The following AGBL4 variants were observed in gnomAD, a reference collection of about 807,000 sequenced individuals.
AGBL4 encodes the protein cytosolic carboxypeptidase 6.
Under a neutral mutation model 66.4 loss-of-function variants are expected in AGBL4, and 58 were observed. That is an observed-to-expected ratio of 0.87 (90% CI 0.71 to 1.09). The LOEUF is 1.09. AGBL4 is among the 50% of genes least tolerant of loss of function. The pLI is 0.00. For missense variants in AGBL4, 579 were observed against 631.0 expected, an observed-to-expected ratio of 0.92 and a Z score of 0.88; for synonymous variants, 234 against 222.9, an observed-to-expected ratio of 1.05 and a Z score of -0.44.
chr1:48,970,864 T>C (rs913070420), intron 5 of AGBL4, among the ~76,000 whole-genome samples: 1 of 151,982 alleles, frequency 6.6e-6, no homozygotes, highest in Non-Finnish European at 1.5e-5. Context: ...AATACAGAGG[T>C]TGGACACAGT....
chr1:48,549,200 G>A (rs888673955), intron 11 of AGBL4, among the ~76,000 whole-genome samples: 8 of 152,356 alleles, frequency 5.3e-5, no homozygotes, highest in Middle Eastern at 3.4e-3. Context: ...TGGTAAGGCT[G>A]ACAGCACTGC....
chr1:49,827,563 T>A (rs538561339), intron 2 of AGBL4, among the ~76,000 whole-genome samples: 1 of 152,294 alleles, frequency 6.6e-6, no homozygotes, highest in African/African-American at 2.4e-5. Flanking sequence ...AGGCTGATGA[T>A]ACTTTCCAAG....
At chr1:48,700,606 A>T in intron 6 of AGBL4, among the ~76,000 whole-genome samples, 1 of 152,202 alleles carries the variant, frequency 6.6e-6, no homozygotes, top group East Asian at 1.9e-4. Context: ...CACTATCTGC[A>T]TGTCCCTCTG....
intron 3 of AGBL4, among the ~76,000 whole-genome samples, chr1:49,499,486 C>G (rs976596775): frequency 6.6e-6 from 1 of 151,714 alleles, no homozygotes; most frequent in African/African-American, 2.4e-5. Flanking sequence ...ACGTGGCACC[C>G]AAAGTGAAGT....
At chr1:49,399,621 C>A (rs938232614) in intron 3 of AGBL4, among the ~76,000 whole-genome samples, 2 of 152,056 alleles carry the variant, frequency 1.3e-5, no homozygotes, top group African/African-American at 4.8e-5. Context: ...TTTCATATAA[C>A]TTTTTTCCAC....
At chr1:49,573,325 T>C (rs761857579) in intron 3 of AGBL4, among the ~76,000 whole-genome samples, 1 of 152,076 alleles carries the variant, frequency 6.6e-6, no homozygotes, top group Non-Finnish European at 1.5e-5. Context: ...CTGCTTAATA[T>C]GGTTAGACAC....
intron 3 of AGBL4, among the ~76,000 whole-genome samples, chr1:49,544,021 G>A (rs1483853883): frequency 6.6e-6 from 1 of 152,070 alleles, no homozygotes; most frequent in Non-Finnish European, 1.5e-5. Context: ...TTTCATACAC[G>A]TGACATATGT....
At chr1:49,281,976 AG>A (rs562229456) in intron 3 of AGBL4, among the ~76,000 whole-genome samples, 669 of 152,328 alleles carry the variant, frequency 4.4e-3, no homozygotes, top group Middle Eastern at 0.01. Context: ...GTTGGTTAGA[AG>A]TATAGATGGC....
chr1:48,898,817 G>T (rs1025657888), intron 5 of AGBL4, among the ~76,000 whole-genome samples: 2 of 152,144 alleles, frequency 1.3e-5, no homozygotes, highest in East Asian at 3.9e-4. Context: ...TGCCCTTTGT[G>T]TTTGATCCAC....
intron 1 of AGBL4, among the ~76,000 whole-genome samples, chr1:49,883,005 T>C (rs996173801): frequency 6.6e-6 from 1 of 152,142 alleles, no homozygotes; most frequent in Non-Finnish European, 1.5e-5. Context: ...TACACGTACA[T>C]GCAAAAAATT....
intron 1 of AGBL4, among the ~76,000 whole-genome samples, chr1:49,916,792 C>A (rs1362255670): frequency 6.6e-6 from 1 of 152,064 alleles, no homozygotes; most frequent in Non-Finnish European, 1.5e-5. Flanking sequence ...TCAGATTCAC[C>A]AAAGTTGAAA....
chr1:48,599,329 A>G (rs1250456434), intron 9 of AGBL4, among the ~76,000 whole-genome samples: 1 of 152,274 alleles, frequency 6.6e-6, no homozygotes, highest in Non-Finnish European at 1.5e-5. Flanking sequence ...TATGTATTAT[A>G]CATAATTGCA....
intron 3 of AGBL4, among the ~76,000 whole-genome samples, chr1:49,338,058 TTAAA>T (rs1645471926): frequency 6.6e-6 from 1 of 152,192 alleles, no homozygotes; most frequent in African/African-American, 2.4e-5. Context: ...GTTTAGTTAC[TTAAA>T]TAAAAGGTTG....
At chr1:48,738,710 T>A (rs2148584633) in intron 6 of AGBL4, among the ~76,000 whole-genome samples, 2 of 152,352 alleles carry the variant, frequency 1.3e-5, no homozygotes, top group Admixed American at 1.3e-4. Context: ...CCACCACTGA[T>A]CCTTGCTTTC....
intron 3 of AGBL4, among the ~76,000 whole-genome samples, chr1:49,665,966 T>C (rs1029416493): frequency 1.3e-5 from 2 of 151,352 alleles, no homozygotes; most frequent in Non-Finnish European, 2.9e-5. Flanking sequence ...CACTAAATCT[T>C]TTTTAAATTT....
chr1:48,613,918 T>C (rs1645278959), intron 9 of AGBL4, among the ~76,000 whole-genome samples: 1 of 152,232 alleles, frequency 6.6e-6, no homozygotes, highest in Admixed American at 6.5e-5. Context: ...TTGCCTCCAG[T>C]TGTGCAATAA....
chr1:49,380,034 T>C (rs1644563059), intron 3 of AGBL4, among the ~76,000 whole-genome samples: 1 of 152,072 alleles, frequency 6.6e-6, no homozygotes, highest in Non-Finnish European at 1.5e-5. Context: ...TAAAGGGTAT[T>C]CAATTAGGAA....
chr1:48,643,862 T>C (rs1415318397), intron 8 of AGBL4, among the ~76,000 whole-genome samples: 1 of 152,312 alleles, frequency 6.6e-6, no homozygotes, highest in East Asian at 1.9e-4. Context: ...TGGTCTTCTC[T>C]CTGCCACATG....
At chr1:48,649,328 G>A (rs1163999488) in intron 8 of AGBL4, among the ~76,000 whole-genome samples, 4 of 152,172 alleles carry the variant, frequency 2.6e-5, no homozygotes, top group Non-Finnish European at 5.9e-5. Flanking sequence ...GACCTGAAAT[G>A]AAGAGAAGGC....
Sources: gnomAD v4.1 joint callset for allele counts (sites outside exome capture counted in the v4.1 genomes callset) on GRCh38, gnomAD v4.1.1 for gene constraint, MANE v1.5 for transcripts, NCBI Gene and HGNC (gene_info 2026-07-23, HGNC 2026-07-21) for gene names.